CLINT1: variants seen among roughly 807,000 people sequenced by gnomAD.
The protein encoded by CLINT1 is clathrin interactor 1.
Under a neutral mutation model 70.4 loss-of-function variants are expected in CLINT1, and 15 were observed. The observed-to-expected ratio is 0.21, with a 90% CI of 0.14 to 0.33. The LOEUF (loss-of-function observed/expected upper bound fraction) is 0.33, where lower values mean the gene tolerates loss of function less well. CLINT1 is among the 10% of genes least tolerant of loss of function. The pLI is 1.00. For missense variants in CLINT1, 615 were observed against 778.1 expected (o/e 0.79, Z 2.49); for synonymous variants, 227 against 254.7 (o/e 0.89, Z 1.04).
intron 1 of CLINT1, among the ~76,000 whole-genome samples, chr5:157,824,244 A>C (rs1478936787): frequency 6.6e-6 from 1 of 152,228 alleles, no homozygotes; most frequent in African/African-American, 2.4e-5. Flanking sequence ...GATAGCCTCC[A>C]CCACATTACC....
chr5:157,794,871 C>T, intron 9 of CLINT1, 27 bp downstream of exon 9: 1 of 1,540,896 alleles, frequency 6.5e-7, no homozygotes, highest in Non-Finnish European at 8.8e-7. Context: ...CCACCCTAGA[C>T]TTCTGGCCAA....
At chr5:157,845,538 A>G (rs1022362415) in intron 1 of CLINT1, among the ~76,000 whole-genome samples, 2 of 150,766 alleles carry the variant, frequency 1.3e-5, no homozygotes, top group Non-Finnish European at 2.9e-5. Context: ...GCAACCTTGC[A>G]TTAAGCATTT....
In CLINT1 at chr5:157,814,297, C is replaced by T. The variant is rs6882224; in HGVS notation, c.244-4G>A. The T allele has an allele frequency of 0.096, 151,380 of 1,577,066 alleles. 9,028 individuals are homozygous for T. The highest frequency in any genetic ancestry group is 0.25 in the African/African-American group (18,561 of 74,252). On this transcript the variant is annotated splice_polypyrimidine_tract_variant and splice_region_variant and intron_variant, in intron 3 of 11. Transcript: ENST00000411809. ...GGTAAGCTAGGAGCAGCAACGACTG[C>T]AAAAATACAAAGCAATAAATGATTT...
Position 157,787,798 on chromosome 5 carries a change from T to G in CLINT1, c.1726A>C (p.Met576Leu). 6.2e-7 allele frequency: 1 copy of G among 1,614,042 alleles called. No homozygotes were observed. Among genetic ancestry groups the G allele is most frequent in the Non-Finnish European group, 8.5e-7 (1 of 1,179,890 alleles). Residue 576 changes from methionine (M) to leucine (L), a missense_variant, in exon 12 of 12, where the codon ATG becomes CTG. This residue lies in a region of CLINT1 where 374 missense variants were observed against 409.6 expected (regional missense o/e 0.91). Transcript: ENST00000411809. ...LGNTPMMNQS[M>L]MGMNMNIGMS... ...CCTATGTTCATGTTCATGCCCATCA[T>G]GCTCTGGTTCATCATCGGAGTATTT... is the stretch of plus-strand genomic sequence containing the variant.
At chr5:157,800,323 T>G (rs62389006) in intron 8 of CLINT1, among the ~76,000 whole-genome samples, 19,025 of 152,132 alleles carry the variant, frequency 0.13, 1,256 homozygotes, top group Admixed American at 0.16. Context: ...CTTTACAGTT[T>G]GTGCCCACAT....
At chr5:157,808,373 A>T (rs1043286994) in intron 6 of CLINT1, among the ~76,000 whole-genome samples, 3 of 152,024 alleles carry the variant, frequency 2.0e-5, no homozygotes, top group African/African-American at 4.8e-5. Flanking sequence ...GCGCAGGGTA[A>T]AGAAAAAGAG....
At position 157,848,751 on chromosome 5, in the gene CLINT1, T is replaced by G. The variant is rs1310990194; in HGVS notation, c.41+10179A>C. ...ATCTTGGCTCACCGCAACCTCTGCC[T>G]CTGGGGTTCAAGTGATTCTCCTGCC... On this transcript the variant is annotated intron_variant, in intron 1 of 11. Coordinates refer to ENST00000411809, the MANE Select transcript of CLINT1 (RefSeq NM_014666.4). Among the ~76,000 whole-genome samples, 3 of 152,310 alleles carry G rather than the reference T, an allele frequency of 2.0e-5. No individual in the cohort carries two copies. The East Asian group carries it at 5.8e-4, about 29-fold the overall frequency.
intron 3 of CLINT1, among the ~76,000 whole-genome samples, chr5:157,815,030 CAAAAA>C (rs572736166): frequency 1.9e-5 from 1 of 51,648 alleles, no homozygotes; most frequent in Non-Finnish European, 3.8e-5. Context: ...AACTCTGTCT[CAAAAA>C]AAAAAAAAAA....
chr5:157,791,549 A>G, intron 10 of CLINT1, 154 bp downstream of exon 10: 1 of 704,100 alleles, frequency 1.4e-6, no homozygotes, highest in Non-Finnish European at 2.4e-6. Context: ...GGTAAATGAA[A>G]TGTGCAAATG....
chr5:157,791,171 G>A (rs1445006958), intron 10 of CLINT1, among the ~76,000 whole-genome samples: 1 of 152,034 alleles, frequency 6.6e-6, no homozygotes, highest in African/African-American at 2.4e-5. Context: ...CCATTCTCCT[G>A]ACTCAGCCTC....
intron 9 of CLINT1, among the ~76,000 whole-genome samples, chr5:157,794,111 A>T (rs1255369167): frequency 2.0e-5 from 3 of 152,160 alleles, no homozygotes; most frequent in Non-Finnish European, 2.9e-5. Flanking sequence ...CCCCTATTCT[A>T]TTAGGTTGGT....
intron 1 of CLINT1, among the ~76,000 whole-genome samples, chr5:157,833,465 A>G (rs568381704): frequency 4.6e-5 from 7 of 152,176 alleles, no homozygotes; most frequent in Non-Finnish European, 1.0e-4. Flanking sequence ...CCTGAAGAAT[A>G]GGCCTTTTGC....
At chr5:157,833,073 A>G (rs1393722427) in intron 1 of CLINT1, among the ~76,000 whole-genome samples, 1 of 152,158 alleles carries the variant, frequency 6.6e-6, no homozygotes, top group Non-Finnish European at 1.5e-5. Context: ...AGTCCAGGCC[A>G]GGCGCGGTGG....
At chr5:157,845,359 TAATAA>T (rs940469364) in intron 1 of CLINT1, among the ~76,000 whole-genome samples, 9 of 151,534 alleles carry the variant, frequency 5.9e-5, no homozygotes, top group South Asian at 2.1e-4. Flanking sequence ...AAAATAATAA[TAATAA>T]AATAAAATAA....
At chr5:157,806,963 G>GGA (rs3836885) in intron 6 of CLINT1, among the ~76,000 whole-genome samples, 4,187 of 145,856 alleles carry the variant, frequency 0.029, 196 homozygotes, top group African/African-American at 0.095. Context: ...GATGTAAGTA[G>GGA]GAGAGAGAGA....
At chr5:157,836,740 C>T (rs377634029) in intron 1 of CLINT1, among the ~76,000 whole-genome samples, 19 of 152,204 alleles carry the variant, frequency 1.2e-4, no homozygotes, top group African/African-American at 4.6e-4. Flanking sequence ...TCCTGGAACA[C>T]TTTCTTTCAC....
intron 4 of CLINT1, 21 bp from the exon 5 acceptor site, chr5:157,813,248 A>G (rs1260571867): frequency 6.3e-7 from 1 of 1,599,182 alleles, no homozygotes; most frequent in East Asian, 2.2e-5. Context: ...GGTAAGAGAT[A>G]AGCAAAACCT....
intron 1 of CLINT1, among the ~76,000 whole-genome samples, chr5:157,824,825 T>A (rs1762986120): frequency 6.6e-6 from 1 of 152,218 alleles, no homozygotes; most frequent in Non-Finnish European, 1.5e-5. Flanking sequence ...CATTTTCTAT[T>A]ATGTCACACT....
rs1761773257 is a variant in CLINT1, at chr5:157,787,822, T to C, written c.1702A>G (p.Asn568Asp). Residue 568 changes from asparagine to aspartate, a missense_variant, in exon 12 of 12, where the codon AAT becomes GAT. Physicochemically the swap from Asn to Asp is conservative, Grantham distance 23. This residue lies in a region of CLINT1 where 374 missense variants were observed against 409.6 expected (regional missense o/e 0.91). Transcript: ENST00000411809. ...ATGCTCTGGTTCATCATCGGAGTAT[T>C]TCCAAGAGGGGCCATTCCCATGGTG... ...TGTMGMAPLG[N>D]TPMMNQSMMG... The C allele has an allele frequency of 1.2e-6, 2 of 1,613,850 alleles. No individual in the cohort carries two copies. Among genetic ancestry groups the C allele is most frequent in the Non-Finnish European group, 1.7e-6 (2 of 1,179,892 alleles).
Sources: gnomAD v4.1 joint callset for allele counts (sites outside exome capture counted in the v4.1 genomes callset) on GRCh38, gnomAD v4.1.1 for gene constraint, gnomAD v4.1.1 regional missense constraint, MANE v1.5 for transcripts, NCBI Gene and HGNC (gene_info 2026-07-23, HGNC 2026-07-21) for gene names.